The following CCNG2 variants were observed in gnomAD, a reference collection of about 807,000 sequenced individuals.
The protein encoded by CCNG2 is cyclin-G2.
Under a neutral mutation model 36.5 loss-of-function variants are expected in CCNG2, and 20 were observed. That is an observed-to-expected ratio of 0.55 (90% CI 0.39 to 0.80). The LOEUF (loss-of-function observed/expected upper bound fraction) is 0.80, where lower values mean the gene tolerates loss of function less well. Ranked by LOEUF, CCNG2 falls within the 30% of genes least tolerant of loss-of-function variation. CCNG2 has a pLI of 0.00. For synonymous variants in CCNG2, 155 were observed against 140.1 expected (o/e 1.11, Z -0.75); for missense variants, 358 against 390.8 (o/e 0.92, Z 0.71).
chr4:77,168,979 A>G lies in CCNG2; in HGVS notation c.*3055A>G, dbSNP rs987435940. ...ACTTTGCTGTTGCGCATGGTGAAGT[A>G]TTGTGCCTAGGTCCTGGGTCTTCAT... On this transcript the variant is annotated 3_prime_UTR_variant, in exon 8 of 8. Coordinates refer to ENST00000316355, the MANE Select transcript of CCNG2 (RefSeq NM_004354.3). 6.6e-6 allele frequency: 1 copy of G among 152,208 alleles called. No homozygotes were observed. Among genetic ancestry groups the G allele is most frequent in the African/African-American group, 2.4e-5 (1 of 41,424 alleles). 9.4% of individuals were successfully genotyped at this position (152,208 alleles called of 1,614,324 possible).
At chr4:77,157,681 C>CAGAT (rs1206199112) in intron 1 of CCNG2, among the ~76,000 whole-genome samples, 175 bp downstream of exon 1, 1 of 151,864 alleles carries the variant, frequency 6.6e-6, no homozygotes. Context: ...CCGCGATGGA[C>CAGAT]AGATAGATGC....
chr4:77,159,893 G>A (rs891587817), intron 3 of CCNG2, among the ~76,000 whole-genome samples: 4 of 152,042 alleles, frequency 2.6e-5, no homozygotes, highest in Non-Finnish European at 4.4e-5. Context: ...AAATATGACC[G>A]GCTGCCTTCC....
In CCNG2 at chr4:77,165,875, C is replaced by T. The variant is rs1560424648; in HGVS notation, c.986C>T (p.Thr329Ile). 9.9e-6 allele frequency: 16 copies of T among 1,611,526 alleles called. No individual in the cohort carries two copies. The highest frequency in any genetic ancestry group is 1.4e-5 in the Non-Finnish European group (16 of 1,179,106). ...TCTCCTCCCAGTGATCAAGAGTGCA[C>T]CTTCTTTTTCAACTTCAAAGTGGCA... ...SSSPPSDQECTFFFNFKVAQT... is the reference protein window; with the variant it reads ...SSSPPSDQECIFFFNFKVAQT... The change falls in exon 8 of 8, where the codon ACC (threonine) becomes ATC (isoleucine). Residue 329 changes from threonine to isoleucine, a missense_variant. Coordinates refer to ENST00000316355, the MANE Select transcript of CCNG2 (RefSeq NM_004354.3).
At chr4:77,164,933 A>G (rs1405569706) in intron 7 of CCNG2, 1 of 153,778 alleles carries the variant, frequency 6.5e-6, no homozygotes, top group Admixed American at 6.5e-5. Context: ...AAACTGAAAA[A>G]GAATTCTGGG....
intron 6 of CCNG2, among the ~76,000 whole-genome samples, chr4:77,162,061 T>G (rs1264850680): frequency 6.6e-6 from 1 of 152,216 alleles, no homozygotes; most frequent in Non-Finnish European, 1.5e-5. Context: ...GGTAGTAGAC[T>G]CAGAACAAAC....
At position 77,166,075 on chromosome 4, in the gene CCNG2, A is replaced by G. The variant is rs1731627864; in HGVS notation, c.*151A>G. On this transcript the variant is annotated 3_prime_UTR_variant, in exon 8 of 8. Transcript: ENST00000316355. ...TTGTTATTCAGATCAGATCTGGCCT[A>G]TTTTCATATTTATCCTAAGCCATCA... 1 of 634,168 alleles carries G rather than the reference A, an allele frequency of 1.6e-6. No individual in the cohort carries two copies. The highest frequency in any genetic ancestry group is 3.9e-5 in the Admixed American group (1 of 25,860). 39.3% of individuals were successfully genotyped at this position (634,168 alleles called of 1,614,324 possible). A position where few individuals can be genotyped will look rare whatever the true frequency, so the allele number is the denominator to read the frequency against.
rs1394031921 is a variant in CCNG2 at position 77,168,001 on chromosome 4, A to G, written c.*2077A>G. The G allele has an allele frequency of 6.6e-6, 1 of 152,168 alleles. No homozygotes were observed. Among genetic ancestry groups the G allele is most frequent in the Non-Finnish European group, 1.5e-5 (1 of 68,048 alleles). 9.4% of individuals were successfully genotyped at this position (152,168 alleles called of 1,614,324 possible). A position where few individuals can be genotyped will look rare whatever the true frequency, so the allele number is the denominator to read the frequency against. On this transcript the variant is annotated 3_prime_UTR_variant, in exon 8 of 8. Transcript: ENST00000316355. ...TTCTTACTGGATATTTTTCCTGGGT[A>G]AGCATCTTTGTGGCTTCATCTCTTC... is the stretch of plus-strand genomic sequence containing the variant.
At position 77,165,677 on chromosome 4, in the gene CCNG2, G is replaced by C. The variant is rs544124622; in HGVS notation, c.912-124G>C. ...GGAAGTCCTTATAAATTTTGTCTCT[G>C]TAAAGCATAAATTTTGAATATAAAA... On this transcript the variant is annotated intron_variant, in intron 7 of 7. Transcript: ENST00000316355. 7 of 773,070 alleles carry C rather than the reference G, an allele frequency of 9.1e-6. No individual in the cohort carries two copies. In the South Asian group the frequency reaches 1.5e-4, roughly 16 times the overall value. 47.9% of individuals were successfully genotyped at this position (773,070 alleles called of 1,614,324 possible). A position where few individuals can be genotyped will look rare whatever the true frequency, so the allele number is the denominator to read the frequency against.
intron 5 of CCNG2, 34 bp downstream of exon 5, chr4:77,161,592 C>T (rs1352031771): frequency 1.3e-6 from 2 of 1,574,268 alleles, no homozygotes; most frequent in African/African-American, 1.4e-5. Context: ...ATATATCTCA[C>T]AGTTTGTATT....
chr4:77,160,032 A>G (rs1446569523), intron 3 of CCNG2, among the ~76,000 whole-genome samples: 1 of 152,200 alleles, frequency 6.6e-6, no homozygotes, highest in African/African-American at 2.4e-5. Flanking sequence ...GGGCACTGAA[A>G]AGAAAAGGGC....
At chr4:77,161,626 CT>C in intron 5 of CCNG2, 22 bp from the exon 6 acceptor site, 1 of 1,563,354 alleles carries the variant, frequency 6.4e-7, no homozygotes, top group Non-Finnish European at 8.7e-7. Context: ...AAATATTTTT[CT>C]TTTTTTTCTT....
chr4:77,160,151 T>G lies in CCNG2; in HGVS notation c.277-570T>G, dbSNP rs982164649. 2.0e-5 allele frequency among the ~76,000 whole-genome samples: 3 copies of G among 152,014 alleles called. No homozygotes were observed. The East Asian group carries it at 5.8e-4, about 29-fold the overall frequency. On this transcript the variant is annotated intron_variant, in intron 3 of 7. Transcript: ENST00000316355. Reference sequence around the variant, plus strand: ...ATGGAATGACTCTTAAAGATTTTTATGTAAAAAGATAAGTATAAAATATTT... The same window carrying G: ...ATGGAATGACTCTTAAAGATTTTTAGGTAAAAAGATAAGTATAAAATATTT...
At chr4:77,163,180 GA>G (rs1228115803) in intron 6 of CCNG2, among the ~76,000 whole-genome samples, 1 of 152,130 alleles carries the variant, frequency 6.6e-6, no homozygotes, top group Non-Finnish European at 1.5e-5. Context: ...AGAAGCTGTG[GA>G]ATCCTTTTTG....
chr4:77,167,569 A>G lies in CCNG2; in HGVS notation c.*1645A>G, dbSNP rs983196084. The G allele has an allele frequency of 2.6e-5, 4 of 152,220 alleles. No homozygotes were observed. The highest frequency in any genetic ancestry group is 5.9e-5 in the Non-Finnish European group (4 of 68,030). 9.4% of individuals were successfully genotyped at this position (152,220 alleles called of 1,614,324 possible). A position where few individuals can be genotyped will look rare whatever the true frequency, so the allele number is the denominator to read the frequency against. ...GTTTTAATCAGTTGTTTGGTTAATAAGTATGGGGTGTTCGCTGTGATAGGG... is the reference window on the plus strand; with the variant it reads ...GTTTTAATCAGTTGTTTGGTTAATAGGTATGGGGTGTTCGCTGTGATAGGG... On this transcript the variant is annotated 3_prime_UTR_variant, in exon 8 of 8. Coordinates refer to ENST00000316355, the MANE Select transcript of CCNG2 (RefSeq NM_004354.3).
chr4:77,169,738 TA>T lies in CCNG2; in HGVS notation c.*3816del, dbSNP rs1219323132. On this transcript the variant is annotated 3_prime_UTR_variant, in exon 8 of 8. Coordinates refer to ENST00000316355, the MANE Select transcript of CCNG2 (RefSeq NM_004354.3). ...GAGATTATCTTGGATGTTCCAGCCT[TA>T]AGCTCCCAGCTGAATGTGGGTGTAT... is the stretch of plus-strand genomic sequence containing the variant. 6.6e-6 allele frequency: 1 copy of T among 152,218 alleles called. No homozygotes were observed. The highest frequency in any genetic ancestry group is 1.5e-5 in the Non-Finnish European group (1 of 68,046). The allele number at this position is 152,218 out of a possible 1,614,324, so 9.4% of individuals were successfully genotyped here.
At position 77,157,382 on chromosome 4, in the gene CCNG2, G is replaced by C. The variant is rs1443724081; in HGVS notation, c.-125G>C. ...CGGTGCCTGGGAGGAAGGGTCGGAT[G>C]CCGGACCGGGGGCACCGCTGAGGCG... On this transcript the variant is annotated 5_prime_UTR_variant, in exon 1 of 8. It removes an upstream start codon present in the reference 5' UTR. Transcript: ENST00000316355. The C allele has an allele frequency of 1.3e-5, 2 of 152,506 alleles. No individual in the cohort carries two copies. The highest frequency in any genetic ancestry group is 2.4e-5 in the African/African-American group (1 of 41,448). 9.4% of individuals were successfully genotyped at this position (152,506 alleles called of 1,614,324 possible). A position where few individuals can be genotyped will look rare whatever the true frequency, so the allele number is the denominator to read the frequency against.
intron 1 of CCNG2, among the ~76,000 whole-genome samples, chr4:77,158,085 C>T (rs912063531): frequency 6.6e-6 from 1 of 152,096 alleles, no homozygotes; most frequent in Non-Finnish European, 1.5e-5. Flanking sequence ...AGTCTCCTCC[C>T]TCCGCTTCTT....
chr4:77,162,803 A>C (rs1217912510), intron 6 of CCNG2, among the ~76,000 whole-genome samples: 1 of 152,044 alleles, frequency 6.6e-6, no homozygotes, highest in Admixed American at 6.6e-5. Flanking sequence ...CTTAACGGCC[A>C]AGAAATTGGT....
Position 77,160,856 on chromosome 4 carries a change from A to T in CCNG2, c.412A>T (p.Ile138Leu), listed in dbSNP as rs553637461. ...ISQCKCTASD[I>L]KRMEKIISEK... ...TCAGTGTAAATGTACTGCTTCTGAC[A>T]TAAAACGGATGGAAAAAATAATTTC... Residue 138 changes from isoleucine (I) to leucine (L), a missense_variant, in exon 4 of 8, where the codon ATA (isoleucine) becomes TTA (leucine). By Grantham distance (5) the Ile-to-Leu change is conservative (BLOSUM62 2). Transcript: ENST00000316355. 1.2e-6 allele frequency: 2 copies of T among 1,613,960 alleles called. No individual in the cohort carries two copies. The highest frequency in any genetic ancestry group is 2.7e-5 in the African/African-American group (2 of 74,930).
Sources: gnomAD v4.1 joint callset for allele counts (sites outside exome capture counted in the v4.1 genomes callset) on GRCh38, gnomAD v4.1.1 for gene constraint, MANE v1.5 for transcripts, NCBI Gene and HGNC (gene_info 2026-07-23, HGNC 2026-07-21) for gene names.